Variants in DUSP11 observed in about 807,000 individuals in gnomAD.
The protein encoded by DUSP11 is dual specificity phosphatase 11, also known as RNA/RNP complex-1-interacting phosphatase.
In DUSP11, 27 loss-of-function variants were observed where a neutral mutation model predicts 41.4. That is an observed-to-expected ratio of 0.65 (90% CI 0.48 to 0.90). The LOEUF (loss-of-function observed/expected upper bound fraction) is 0.90, where lower values mean the gene tolerates loss of function less well. DUSP11 is among the 40% of genes least tolerant of loss of function. The pLI, the probability that DUSP11 is intolerant of heterozygous loss-of-function variation, is 0.00. For missense variants in DUSP11, 465 were observed against 461.1 expected (o/e 1.01, Z -0.08); for synonymous variants, 188 against 159.3 (o/e 1.18, Z -1.35).
exon 1 of DUSP11, chr2:73,779,970 C>T (rs1672760361): frequency 2.5e-6 from 4 of 1,614,256 alleles, no homozygotes; most frequent in Middle Eastern, 1.6e-4. Context: ...ATGCCACTGG[C>T]TCATGTGGGT....
rs1462023011 is a variant in DUSP11, at chr2:73,779,860, C to T, written c.242+14G>A. The T allele has an allele frequency of 4.3e-6, 7 of 1,613,868 alleles. No homozygotes were observed. The African/African-American group carries it at 9.3e-5, about 22-fold the overall frequency. On this transcript the variant is annotated intron_variant, in intron 1 of 8. Transcript: ENST00000272444. ...GAGCTGGAAAGGCCACGCCAAGGGA[C>T]CAAGACATACTACCTTTCGGGGATG...
At chr2:73,776,413 C>CA (rs70965758) in intron 2 of DUSP11, among the ~76,000 whole-genome samples, 2,355 of 99,376 alleles carry the variant, frequency 0.024, 118 homozygotes, top group African/African-American at 0.066. Flanking sequence ...GACACCATCT[C>CA]AAAAAAAAAA....
intron 4 of DUSP11, among the ~76,000 whole-genome samples, chr2:73,772,923 C>T (rs1378042315): frequency 6.6e-6 from 1 of 152,184 alleles, no homozygotes; most frequent in African/African-American, 2.4e-5. Context: ...GGAGTATTTA[C>T]TGTCAGATTT....
chr2:73,773,436 T>C (rs1391159813), intron 4 of DUSP11: 2 of 362,014 alleles, frequency 5.5e-6, no homozygotes, highest in Middle Eastern at 3.7e-4. Flanking sequence ...TTGCCCTTTC[T>C]TGTCTCTTTC....
chr2:73,772,172 T>C (rs1672595841), intron 4 of DUSP11, among the ~76,000 whole-genome samples: 1 of 152,226 alleles, frequency 6.6e-6, no homozygotes, highest in African/African-American at 2.4e-5. Flanking sequence ...TAGATAACTG[T>C]GAACTGCTAT....
exon 7 of DUSP11, chr2:73,766,888 C>T (rs780615341): frequency 6.8e-6 from 11 of 1,612,926 alleles, no homozygotes; most frequent in East Asian, 2.2e-5. Context: ...GCAATGTCCC[C>T]GGCACCTATT....
At chr2:73,762,658 G>A (rs368196762) in exon 9 of DUSP11, 2 of 1,608,876 alleles carry the variant, frequency 1.2e-6, no homozygotes, top group Admixed American at 1.7e-5. Context: ...GGACAGGTTT[G>A]TATCACTGGG....
Position 73,762,823 on chromosome 2 carries a change from G to GC in DUSP11, c.971_972insG (p.His324GlnfsTer33). ...CAGGGGGACCAGGAGGAGGGAGATG[G>GC]TGTCTCTGGTAAACATGTGGATTCT... is the stretch of plus-strand genomic sequence containing the variant. On this transcript the variant is annotated frameshift_variant, in exon 9 of 9. Transcript: ENST00000272444. LOFTEE classifies it low-confidence loss of function (END_TRUNC). 1 of 1,607,678 alleles carries GC rather than the reference G, an allele frequency of 6.2e-7. No homozygotes were observed. Among genetic ancestry groups the GC allele is most frequent in the Non-Finnish European group, 8.5e-7 (1 of 1,176,980 alleles).
At chr2:73,766,832 T>C (rs1672474781) in exon 7 of DUSP11, 1 of 1,610,742 alleles carries the variant, frequency 6.2e-7, no homozygotes, top group Non-Finnish European at 8.5e-7. Flanking sequence ...ACTTACTTTC[T>C]GATAGGACCA....
At chr2:73,780,011 G>A in exon 1 of DUSP11, 1 of 1,614,124 alleles carries the variant, frequency 6.2e-7, no homozygotes, top group Non-Finnish European at 8.5e-7. Context: ...ATGCCAAGTC[G>A]GCCAAAAGCG....
intron 4 of DUSP11, 33 bp downstream of exon 4, chr2:73,773,767 C>T (rs781036726): frequency 6.4e-7 from 1 of 1,568,584 alleles, no homozygotes; most frequent in East Asian, 2.3e-5. Flanking sequence ...ATTCATAATG[C>T]ACACCACAGT....
chr2:73,779,697 A>C, intron 1 of DUSP11, 177 bp downstream of exon 1: 4 of 917,374 alleles, frequency 4.4e-6, no homozygotes, highest in South Asian at 3.5e-5. Context: ...ACAGGACATC[A>C]CAGACATCGC....
chr2:73,762,882 T>C (rs373347926), intron 8 of DUSP11, 23 bp from the exon 9 acceptor site: 3 of 1,365,070 alleles, frequency 2.2e-6, no homozygotes, highest in Non-Finnish European at 3.1e-6. Flanking sequence ...CAAAAAGTAA[T>C]AAGCCATTAC....
intron 2 of DUSP11, among the ~76,000 whole-genome samples, chr2:73,777,021 C>G (rs182348071): frequency 6.6e-6 from 1 of 152,176 alleles, no homozygotes; most frequent in African/African-American, 2.4e-5. Flanking sequence ...TGCTCTGTTG[C>G]CCAGGCTGGA....
exon 2 of DUSP11, chr2:73,778,311 G>A: frequency 6.4e-7 from 1 of 1,571,790 alleles, no homozygotes; most frequent in Middle Eastern, 1.7e-4. Flanking sequence ...CTTTTGCAAA[G>A]GAACTTTGAA....
rs978037068 is a variant in DUSP11, at chr2:73,770,163, C to T, written c.575-838G>A. ...ACAAAAAATTAGCTGGGTATTGTGG[C>T]GGGAGCCTATAATCCCAGCTACTCA... On this transcript the variant is annotated intron_variant, in intron 4 of 8. Transcript: ENST00000272444. Among the ~76,000 whole-genome samples the T allele has an allele frequency of 2.9e-5, 4 of 139,680 alleles. 1 individual carries two copies. The highest frequency in any genetic ancestry group is 1.1e-4 in the African/African-American group (4 of 36,938). The allele number at this position is 139,680 out of a possible 152,430, so 91.6% of individuals were successfully genotyped here.
chr2:73,766,805 C>T (rs773378774), intron 7 of DUSP11, 23 bp downstream of exon 7: 7 of 1,572,564 alleles, frequency 4.5e-6, no homozygotes. Context: ...CCACAAATCT[C>T]ACATATATAA....
chr2:73,773,596 T>C (rs1304239635), intron 4 of DUSP11: 2 of 483,566 alleles, frequency 4.1e-6, no homozygotes, highest in African/African-American at 4.0e-5. Context: ...TATTTTGCAC[T>C]AAAACTAATT....
intron 5 of DUSP11, 183 bp downstream of exon 5, chr2:73,769,082 G>A (rs1672525665): frequency 1.9e-6 from 1 of 537,108 alleles, no homozygotes; most frequent in Admixed American, 3.4e-5. Context: ...GCTTGTATCT[G>A]CATTTTTAGA....
Sources: gnomAD v4.1 joint callset for allele counts (sites outside exome capture counted in the v4.1 genomes callset) on GRCh38, gnomAD v4.1.1 for gene constraint, MANE v1.5 for transcripts, NCBI Gene and HGNC (gene_info 2026-07-23, HGNC 2026-07-21) for gene names.